Variants in CALHM1 observed in about 807,000 individuals in gnomAD.
CALHM1 encodes calcium homeostasis modulator 1.
In CALHM1, 11 loss-of-function variants were observed where a neutral mutation model predicts 14.8. The observed-to-expected ratio is 0.74, with a 90% CI of 0.47 to 1.23. CALHM1 has a LOEUF of 1.23. Ranked by LOEUF, CALHM1 falls within the 50% of genes most tolerant of loss-of-function variation. The pLI is 0.00. For synonymous variants in CALHM1, 215 were observed against 218.9 expected, an observed-to-expected ratio of 0.98 and a Z score of 0.16; for missense variants, 458 against 496.4, an observed-to-expected ratio of 0.92 and a Z score of 0.74.
intron 1 of CALHM1, 22 bp from the exon 2 acceptor site, chr10:103,455,769 T>C: frequency 6.2e-7 from 1 of 1,603,390 alleles, no homozygotes; most frequent in Non-Finnish European, 8.5e-7. Context: ...TGAGAGAGAG[T>C]CACGGGGCAC....
chr10:103,455,432 G>T lies in CALHM1; in HGVS notation c.871C>A (p.Arg291Ser). The T allele has an allele frequency of 1.2e-6, 2 of 1,614,018 alleles. No homozygotes were observed. The change falls in exon 2 of 2, where the codon CGT (arginine) becomes AGT (serine). Residue 291 changes from arginine to serine, a missense_variant. Arg to Ser is a moderately radical substitution (Grantham distance 110). Coordinates refer to ENST00000329905, the MANE Select transcript of CALHM1 (RefSeq NM_001001412.4). ...DGAEEEREKL[R>S]GITDQGTMNR... ...ATGGTGCCTTGATCCGTGATGCCAC[G>T]CAGCTTCTCCCTTTCCTCCTCCGCA...
chr10:103,457,917 C>T (rs369766426), intron 1 of CALHM1, among the ~76,000 whole-genome samples: 2 of 152,238 alleles, frequency 1.3e-5, no homozygotes, highest in East Asian at 3.8e-4. Context: ...GCTCAGAAAT[C>T]AGGATGGGGA....
In CALHM1 at chr10:103,454,848, G is replaced by A. The variant is rs1476620464; in HGVS notation, c.*414C>T. 5.4e-6 allele frequency: 1 copy of A among 184,994 alleles called. No homozygotes were observed. Among genetic ancestry groups the A allele is most frequent in the Non-Finnish European group, 1.1e-5 (1 of 89,690 alleles). The allele number at this position is 184,994 out of a possible 1,614,324, so 11.5% of individuals were successfully genotyped here. On this transcript the variant is annotated 3_prime_UTR_variant, in exon 2 of 2. Coordinates refer to ENST00000329905, the MANE Select transcript of CALHM1 (RefSeq NM_001001412.4). ...AGACGCCTGATGATTCCCACTCCCC[G>A]AGCCCGGAGCATAAAGGAAGAGAGG...
chr10:103,453,939 A>C lies in CALHM1; in HGVS notation c.*1323T>G, dbSNP rs1309595280. The C allele has an allele frequency of 6.6e-6, 1 of 152,258 alleles. No homozygotes were observed. The highest frequency in any genetic ancestry group is 2.4e-5 in the African/African-American group (1 of 41,460). 9.4% of individuals were successfully genotyped at this position (152,258 alleles called of 1,614,324 possible). A position where few individuals can be genotyped will look rare whatever the true frequency, so the allele number is the denominator to read the frequency against. On this transcript the variant is annotated 3_prime_UTR_variant, in exon 2 of 2. Coordinates refer to ENST00000329905, the MANE Select transcript of CALHM1 (RefSeq NM_001001412.4). ...GAATAGAGGGAAGGATGGATAAAAA[A>C]GGATGGAATCATGCCAAGATCAAAA... is the stretch of plus-strand genomic sequence containing the variant.
At chr10:103,456,916 G>A (rs1214108270) in intron 1 of CALHM1, among the ~76,000 whole-genome samples, 1 of 152,176 alleles carries the variant, frequency 6.6e-6, no homozygotes, top group African/African-American at 2.4e-5. Context: ...AGCTTCCTGT[G>A]TAGCTGGGAC....
At position 103,455,294 on chromosome 10, in the gene CALHM1, T is replaced by TA. The variant is rs746512804; in HGVS notation, c.1008dup (p.Lys337Ter). On this transcript the variant is annotated frameshift_variant, in exon 2 of 2. Transcript: ENST00000329905. LOFTEE classifies it high-confidence loss of function. ...TTGCTGAAGTAGGTGGCCACCTCCTTACGCGGAGGCCGGGGCCCACCCCCA... is the reference window on the plus strand; with the variant it reads ...TTGCTGAAGTAGGTGGCCACCTCCTTAACGCGGAGGCCGGGGCCCACCCCCA... The TA allele has an allele frequency of 1.9e-6, 3 of 1,611,812 alleles. No homozygotes were observed. Among genetic ancestry groups the TA allele is most frequent in the Non-Finnish European group, 1.7e-6 (2 of 1,179,282 alleles).
Position 103,458,040 on chromosome 10 carries a change from C to T in CALHM1, c.555+157G>A, listed in dbSNP as rs967931501. On this transcript the variant is annotated intron_variant, in intron 1 of 1. Transcript: ENST00000329905. The surrounding 1 kb of genome is among the most constrained non-coding windows in gnomAD (Gnocchi z 4.9). ...GATGGCCCTGGGCTGAGGGCAGATG[C>T]GTGGCTCTGCCTTCAGCCTCAGTTG... Among the ~76,000 whole-genome samples, 2 of 152,228 alleles carry T rather than the reference C, an allele frequency of 1.3e-5. No individual in the cohort carries two copies. Among genetic ancestry groups the T allele is most frequent in the Non-Finnish European group, 2.9e-5 (2 of 68,032 alleles).
In CALHM1 at chr10:103,458,230, C is replaced by G; in HGVS notation, c.522G>C (p.Glu174Asp). ...IYDGDWLLAR[E>D]VAVRYLRCIS... ...TGCAGCGGAGGTAACGCACGGCCAC[C>G]TCTCGGGCCAACAGCCAGTCGCCAT... is the stretch of plus-strand genomic sequence containing the variant. Residue 174 changes from glutamate (E) to aspartate (D), a missense_variant, in exon 1 of 2, where the codon GAG (glutamate) becomes GAC (aspartate). Transcript: ENST00000329905. This position sits in a 1 kb window ranked among gnomAD's most constrained non-coding sequence, Gnocchi z 4.9. The G allele has an allele frequency of 6.2e-7, 1 of 1,612,994 alleles. No individual in the cohort carries two copies. Among genetic ancestry groups the G allele is most frequent in the South Asian group, 1.1e-5 (1 of 91,066 alleles).
In CALHM1 at chr10:103,458,727, A is replaced by G. The variant is rs1189793984; in HGVS notation, c.25T>C (p.Phe9Leu). Residue 9 changes from phenylalanine to leucine, a missense_variant, in exon 1 of 2, where the codon TTC (phenylalanine) becomes CTC (leucine). Physicochemically the swap from Phe to Leu is conservative, Grantham distance 22. Transcript: ENST00000329905. The surrounding 1 kb of genome is among the most constrained non-coding windows in gnomAD (Gnocchi z 4.9). MMDKFRMI[F>L]QFLQSNQESF... ...TCCTGGTTGGACTGCAGGAACTGGA[A>G]GATCATCCGGAACTTGTCCATCATG... 1 of 1,612,868 alleles carries G rather than the reference A, an allele frequency of 6.2e-7. No individual in the cohort carries two copies. The highest frequency in any genetic ancestry group is 1.3e-5 in the African/African-American group (1 of 75,038).
rs1411864558 is a variant in CALHM1 at position 103,458,525 on chromosome 10, G to C, written c.227C>G (p.Ser76Cys). 1.2e-6 allele frequency: 2 copies of C among 1,613,674 alleles called. No homozygotes were observed. Among genetic ancestry groups the C allele is most frequent in the Non-Finnish European group, 1.7e-6 (2 of 1,180,026 alleles). Residue 76 changes from serine to cysteine, a missense_variant, in exon 1 of 2, where the codon TCC becomes TGC. Coordinates refer to ENST00000329905, the MANE Select transcript of CALHM1 (RefSeq NM_001001412.4). This position sits in a 1 kb window ranked among gnomAD's most constrained non-coding sequence, Gnocchi z 4.9. The stretch of plus-strand genomic sequence containing the variant: ...CCGCTTCCACTCTTCGGCCAGCATG[G>C]ACACGTTGTTGTTCATGACCAGGCC... ...LLGLVMNNNV[S>C]MLAEEWKRPL...
At position 103,458,494 on chromosome 10, in the gene CALHM1, C is replaced by G. The variant is rs369480553; in HGVS notation, c.258G>C (p.Leu86=). The change falls in exon 1 of 2, where the codon CTG becomes CTC. Residue 86 remains leucine (L), a synonymous_variant. Transcript: ENST00000329905. The surrounding 1 kb of genome is among the most constrained non-coding windows in gnomAD (Gnocchi z 4.9). The part of the protein sequence containing the change: ...SMLAEEWKRP[L]GRRAKDPAVL... The stretch of plus-strand genomic sequence containing the variant: ...CAGCGGGGTCCTTGGCCCGGCGGCC[C>G]AGCGGCCGCTTCCACTCTTCGGCCA... 1.2e-6 allele frequency: 2 copies of G among 1,612,184 alleles called. No individual in the cohort carries two copies. The highest frequency in any genetic ancestry group is 8.5e-7 in the Non-Finnish European group (1 of 1,179,306).
intron 1 of CALHM1, among the ~76,000 whole-genome samples, chr10:103,456,228 T>G (rs1488120204): frequency 6.6e-6 from 1 of 152,220 alleles, no homozygotes; most frequent in Non-Finnish European, 1.5e-5. Context: ...TAACCATTAC[T>G]GTTGTGCCAA....
At position 103,458,225 on chromosome 10, in the gene CALHM1, G is replaced by C; in HGVS notation, c.527C>G (p.Ala176Gly). 6.2e-7 allele frequency: 1 copy of C among 1,612,842 alleles called. No individual in the cohort carries two copies. The highest frequency in any genetic ancestry group is 8.5e-7 in the Non-Finnish European group (1 of 1,179,770). ...GGAGATGCAGCGGAGGTAACGCACGGCCACCTCTCGGGCCAACAGCCAGTC... is the reference window on the plus strand; with the variant it reads ...GGAGATGCAGCGGAGGTAACGCACGCCCACCTCTCGGGCCAACAGCCAGTC... ...DGDWLLAREV[A>G]VRYLRCISQA... Residue 176 changes from alanine (A) to glycine (G), a missense_variant, in exon 1 of 2, where the codon GCC (alanine) becomes GGC (glycine). Transcript: ENST00000329905. This position sits in a 1 kb window ranked among gnomAD's most constrained non-coding sequence, Gnocchi z 4.9.
rs2033125091 is a variant in CALHM1, at chr10:103,454,988, T to G, written c.*274A>C. 1 of 510,184 alleles carries G rather than the reference T, an allele frequency of 2.0e-6. No homozygotes were observed. Among genetic ancestry groups the G allele is most frequent in the African/African-American group, 1.9e-5 (1 of 52,162 alleles). The allele number at this position is 510,184 out of a possible 1,614,324, so 31.6% of individuals were successfully genotyped here. On this transcript the variant is annotated 3_prime_UTR_variant, in exon 2 of 2. Transcript: ENST00000329905. ...TGGGCAGAGGGGAGCCATTGGTCCC[T>G]GTACCTGCCATGACAGTTCCGACCC...
rs1054382930 is a variant in CALHM1 at position 103,454,792 on chromosome 10, C to G, written c.*470G>C. The G allele has an allele frequency of 1.8e-5, 3 of 166,944 alleles. No homozygotes were observed. The highest frequency in any genetic ancestry group is 7.2e-5 in the African/African-American group (3 of 41,780). 10.3% of individuals were successfully genotyped at this position (166,944 alleles called of 1,614,324 possible). Reference sequence around the variant, plus strand: ...CACACCCAGTCTCACCTACGACACGCTTGCCCAAATCAGAGGGCTCCCACT... The same window carrying G: ...CACACCCAGTCTCACCTACGACACGGTTGCCCAAATCAGAGGGCTCCCACT... On this transcript the variant is annotated 3_prime_UTR_variant, in exon 2 of 2. Transcript: ENST00000329905.
rs752728096 is a variant in CALHM1, at chr10:103,458,755, C to T, written c.-4G>A. The T allele has an allele frequency of 2.6e-5, 41 of 1,598,784 alleles. No individual in the cohort carries two copies. Among genetic ancestry groups the T allele is most frequent in the African/African-American group, 2.5e-4 (19 of 74,812 alleles). On this transcript the variant is annotated 5_prime_UTR_variant, in exon 1 of 2. Coordinates refer to ENST00000329905, the MANE Select transcript of CALHM1 (RefSeq NM_001001412.4). This position sits in a 1 kb window ranked among gnomAD's most constrained non-coding sequence, Gnocchi z 4.9. ...TCATCCGGAACTTGTCCATCATGCCCGCTGTGGGGCCCGGCCTCCTCTTCC... is the reference window on the plus strand; with the variant it reads ...TCATCCGGAACTTGTCCATCATGCCTGCTGTGGGGCCCGGCCTCCTCTTCC...
Position 103,458,482 on chromosome 10 carries a change from G to A in CALHM1, c.270C>T (p.Ala90=), listed in dbSNP as rs762074635. The A allele has an allele frequency of 7.4e-6, 12 of 1,612,770 alleles. No individual in the cohort carries two copies. The highest frequency in any genetic ancestry group is 1.0e-5 in the Non-Finnish European group (12 of 1,179,860). ...EEWKRPLGRR[A]KDPAVLRYMF... is the part of the protein sequence containing the mutation. The stretch of plus-strand genomic sequence containing the variant: ...TGTAGCGCAACACAGCGGGGTCCTT[G>A]GCCCGGCGGCCCAGCGGCCGCTTCC... The change falls in exon 1 of 2, where the codon GCC becomes GCT. Residue 90 remains alanine (A), a synonymous_variant. Transcript: ENST00000329905. The surrounding 1 kb of genome is among the most constrained non-coding windows in gnomAD (Gnocchi z 4.9).
intron 1 of CALHM1, among the ~76,000 whole-genome samples, chr10:103,457,724 C>T (rs139935114): frequency 6.6e-6 from 1 of 152,310 alleles, no homozygotes; most frequent in African/African-American, 2.4e-5. Flanking sequence ...AACAGGGCCT[C>T]CTCTCTCTCA....
At chr10:103,456,506 G>A (rs917528413) in intron 1 of CALHM1, among the ~76,000 whole-genome samples, 6 of 152,240 alleles carry the variant, frequency 3.9e-5, no homozygotes, top group Non-Finnish European at 8.8e-5. Flanking sequence ...TGCAGGGCAC[G>A]GGGCAGGATG....
Sources: allele counts gnomAD v4.1 joint callset (sites outside exome capture counted in the v4.1 genomes callset), GRCh38; gene constraint gnomAD v4.1.1; non-coding constraint Gnocchi (gnomAD v3.1); transcripts MANE v1.5; gene names NCBI Gene and HGNC (gene_info 2026-07-23, HGNC 2026-07-21).